The following PTPRM variants were observed in gnomAD, a reference collection of about 807,000 sequenced individuals.
The protein encoded by PTPRM is protein tyrosine phosphatase receptor type M, also known as receptor-type tyrosine-protein phosphatase mu.
A neutral mutation model predicts 186.7 loss-of-function variants in PTPRM; 47 were observed. That is an observed-to-expected ratio of 0.25 (90% confidence interval 0.20 to 0.32). The LOEUF is 0.32. Among genes scored for constraint, PTPRM ranks in the 10% least tolerant of loss-of-function variants. PTPRM has a pLI of 1.00. For synonymous variants in PTPRM, 668 were observed against 674.9 expected, an observed-to-expected ratio of 0.99 and a Z score of 0.16; for missense variants, 1,494 against 1,865.0, an observed-to-expected ratio of 0.80 and a Z score of 3.66.
intron 1 of PTPRM, among the ~76,000 whole-genome samples, chr18:7,575,824 G>C (rs1371714137): frequency 6.6e-6 from 1 of 152,166 alleles, no homozygotes; most frequent in African/African-American, 2.4e-5. Context: ...AAGAAGTCAT[G>C]AAAATCTGCC....
At chr18:7,650,449 C>G (rs967139637) in intron 1 of PTPRM, among the ~76,000 whole-genome samples, 1 of 140,624 alleles carries the variant, frequency 7.1e-6, no homozygotes, top group African/African-American at 2.6e-5. Context: ...TCAAATCCCC[C>G]CCCCCCCCAC....
At position 8,051,006 on chromosome 18, in the gene PTPRM, G is replaced by A. The variant is rs146832094; in HGVS notation, c.1133-18680G>A. Among the ~76,000 whole-genome samples the A allele has an allele frequency of 1.6e-3, 242 of 152,266 alleles. 2 individuals carry two copies. The highest frequency in any genetic ancestry group is 5.2e-3 in the African/African-American group (218 of 41,544). ...TGAGGCTCAGCTTTTAGGAACCAAG[G>A]TCTAGTTTCAGGGATAAGAATATTA... On this transcript the variant is annotated intron_variant, in intron 7 of 32. Transcript: ENST00000580170.
At chr18:7,578,082 C>T (rs534635660) in intron 1 of PTPRM, among the ~76,000 whole-genome samples, 70 of 152,220 alleles carry the variant, frequency 4.6e-4, no homozygotes, top group African/African-American at 1.5e-3. Context: ...CCTTCTACCT[C>T]TAAGTAGCCA....
intron 7 of PTPRM, among the ~76,000 whole-genome samples, chr18:8,037,829 A>C (rs905903436): frequency 2.0e-5 from 3 of 152,178 alleles, no homozygotes; most frequent in African/African-American, 4.8e-5. Flanking sequence ...CCACACACCC[A>C]AAAAGCATAT....
intron 7 of PTPRM, among the ~76,000 whole-genome samples, chr18:7,994,036 T>G (rs143740351): frequency 1.3e-3 from 192 of 152,118 alleles, no homozygotes; most frequent in African/African-American, 4.3e-3. Context: ...TAAAAATATA[T>G]AATATAGCAA....
At chr18:7,641,401 GT>G (rs2038439744) in intron 1 of PTPRM, among the ~76,000 whole-genome samples, 5 of 152,162 alleles carry the variant, frequency 3.3e-5, no homozygotes, top group Non-Finnish European at 7.3e-5. Context: ...AAAGGACTTA[GT>G]TAATTCAAAA....
chr18:8,064,910 A>G (rs1307713734), intron 7 of PTPRM, among the ~76,000 whole-genome samples: 4 of 152,128 alleles, frequency 2.6e-5, no homozygotes, highest in Non-Finnish European at 4.4e-5. Flanking sequence ...TTATTTTGTC[A>G]CCCTCTAGTG....
intron 1 of PTPRM, among the ~76,000 whole-genome samples, chr18:7,577,575 G>A (rs919488504): frequency 6.6e-6 from 1 of 152,156 alleles, no homozygotes; most frequent in Non-Finnish European, 1.5e-5. Flanking sequence ...CATTACAGCA[G>A]GCATGTTCTC....
intron 1 of PTPRM, among the ~76,000 whole-genome samples, chr18:7,601,761 T>G (rs1281504668): frequency 6.6e-6 from 1 of 152,232 alleles, no homozygotes; most frequent in Non-Finnish European, 1.5e-5. Flanking sequence ...GAGTTAAGAC[T>G]TGATGACTTG....
At chr18:8,249,114 A>G (rs1251333207) in intron 17 of PTPRM, among the ~76,000 whole-genome samples, 1 of 152,196 alleles carries the variant, frequency 6.6e-6, no homozygotes, top group African/African-American at 2.4e-5. Context: ...ATAACAATTC[A>G]TTGTAGCAAG....
At chr18:7,796,349 C>T (rs961583583) in intron 2 of PTPRM, among the ~76,000 whole-genome samples, 3 of 152,150 alleles carry the variant, frequency 2.0e-5, no homozygotes, top group Non-Finnish European at 4.4e-5. Flanking sequence ...AAAAGAAACA[C>T]ACACATGCGT....
At chr18:7,675,564 T>A (rs547205189) in intron 1 of PTPRM, among the ~76,000 whole-genome samples, 17 of 152,300 alleles carry the variant, frequency 1.1e-4, no homozygotes, top group Middle Eastern at 3.4e-3. Context: ...AAACATTGAC[T>A]ACTCAGGACA....
intron 7 of PTPRM, among the ~76,000 whole-genome samples, chr18:7,999,590 T>A (rs1020515749): frequency 5.3e-5 from 8 of 151,742 alleles, no homozygotes; most frequent in Admixed American, 4.6e-4. Flanking sequence ...GGACTTTCAG[T>A]TGTTTAGGAG....
intron 2 of PTPRM, among the ~76,000 whole-genome samples, chr18:7,842,577 C>A (rs980142261): frequency 4.6e-5 from 7 of 151,954 alleles, no homozygotes; most frequent in Non-Finnish European, 8.8e-5. Context: ...TTGAGTAAAG[C>A]AAATTACCCA....
intron 7 of PTPRM, among the ~76,000 whole-genome samples, chr18:7,969,578 AAAAG>A (rs1186052247): frequency 2.7e-5 from 4 of 147,698 alleles, no homozygotes; most frequent in African/African-American, 5.2e-5. Context: ...AATAAAGAAA[AAAAG>A]AGAGAAGAAT....
chr18:7,633,101 A>G (rs561391035), intron 1 of PTPRM, among the ~76,000 whole-genome samples: 6 of 152,186 alleles, frequency 3.9e-5, no homozygotes, highest in Non-Finnish European at 7.3e-5. Context: ...CCTTTTCTTC[A>G]TTCATTTCAG....
Position 8,113,642 on chromosome 18 carries a change from A to G in PTPRM, c.2013A>G (p.Gln671=), listed in dbSNP as rs747073088. The G allele has an allele frequency of 1.9e-6, 3 of 1,613,954 alleles. No homozygotes were observed. In the African/African-American group the frequency reaches 4.0e-5, roughly 22 times the overall value. The change falls in exon 12 of 33, where the codon CAA becomes CAG. Residue 671 remains glutamine, a synonymous_variant. Transcript: ENST00000580170. ...FAAEFPADSL[Q]AAQPFTIGDN... is the part of the protein sequence containing the mutation. ...CAGAATTTCCTGCAGACAGCCTCCA[A>G]GCTGCGCAGCCTTTTACAATTGGTG...
intron 2 of PTPRM, among the ~76,000 whole-genome samples, chr18:7,870,693 A>T (rs1055638232): frequency 6.6e-6 from 1 of 152,184 alleles, no homozygotes; most frequent in Admixed American, 6.5e-5. Context: ...TCACCTGAAT[A>T]TTTTTTATTT....
intron 20 of PTPRM, among the ~76,000 whole-genome samples, chr18:8,308,773 T>C (rs1286310205): frequency 6.6e-6 from 1 of 152,068 alleles, no homozygotes; most frequent in East Asian, 1.9e-4. Context: ...TTATCCAGTA[T>C]TGTACCTACT....
Sources: gnomAD v4.1 joint callset for allele counts (sites outside exome capture counted in the v4.1 genomes callset) on GRCh38, gnomAD v4.1.1 for gene constraint, MANE v1.5 for transcripts, NCBI Gene and HGNC (gene_info 2026-07-23, HGNC 2026-07-21) for gene names.